SLC22A3: variants seen among roughly 807,000 people sequenced by gnomAD.
SLC22A3 encodes the protein solute carrier family 22 member 3.
In SLC22A3, 51 loss-of-function variants were observed where a neutral mutation model predicts 59.1. That is an observed-to-expected ratio of 0.86 (90% CI 0.69 to 1.09). The LOEUF (loss-of-function observed/expected upper bound fraction) is 1.09, where lower values mean the gene tolerates loss of function less well. Ranked by LOEUF, SLC22A3 falls within the 50% of genes least tolerant of loss-of-function variation. The pLI, the probability that SLC22A3 is intolerant of heterozygous loss-of-function variation, is 0.00. For synonymous variants in SLC22A3, 325 were observed against 292.0 expected (o/e 1.11, Z -1.15); for missense variants, 711 against 726.3 (o/e 0.98, Z 0.24).
intron 1 of SLC22A3, among the ~76,000 whole-genome samples, chr6:160,360,231 G>C (rs914043636): frequency 6.6e-6 from 1 of 152,154 alleles, no homozygotes; most frequent in East Asian, 1.9e-4. Flanking sequence ...GCCAAGGTGG[G>C]TGGATCACCT....
At chr6:160,368,629 G>A (rs1232694457) in intron 1 of SLC22A3, among the ~76,000 whole-genome samples, 1 of 152,024 alleles carries the variant, frequency 6.6e-6, no homozygotes, top group Non-Finnish European at 1.5e-5. Flanking sequence ...TCAACCTAGT[G>A]TGGTCTCCAT....
At position 160,361,930 on chromosome 6, in the gene SLC22A3, G is replaced by T. The variant is rs567215168; in HGVS notation, c.429+13082G>T. On this transcript the variant is annotated intron_variant, in intron 1 of 10. Coordinates refer to ENST00000275300, the MANE Select transcript of SLC22A3 (RefSeq NM_021977.4). Reference sequence around the variant, plus strand: ...GCTTTCCCCTTCTAATACTAGGTCAGTTTCTGTGTGGTAACTTGAGAATAC... The same window carrying T: ...GCTTTCCCCTTCTAATACTAGGTCATTTTCTGTGTGGTAACTTGAGAATAC... Among the ~76,000 whole-genome samples, 7 of 152,342 alleles carry T rather than the reference G, an allele frequency of 4.6e-5. No homozygotes were observed. In the East Asian group the frequency reaches 1.3e-3, roughly 29 times the overall value.
rs200861075 is a variant in SLC22A3, at chr6:160,437,047, T to C, written c.1124T>C (p.Ile375Thr). Residue 375 changes from isoleucine to threonine, a missense_variant, in exon 7 of 11, where the codon ATA (isoleucine) becomes ACA (threonine). By Grantham distance (89) the Ile-to-Thr change is moderately conservative. Transcript: ENST00000275300. ...GGACTTGTCATGCGCCTGGGAATTA[T>C]AGGGGGCAACCTCTATATAGACTTT... is the stretch of plus-strand genomic sequence containing the variant. The part of the protein sequence containing the change: ...YQGLVMRLGI[I>T]GGNLYIDFFI... 4 of 1,614,046 alleles carry C rather than the reference T, an allele frequency of 2.5e-6. No individual in the cohort carries two copies. Among genetic ancestry groups the C allele is most frequent in the East Asian group, 2.2e-5 (1 of 44,900 alleles).
chr6:160,394,425 G>A (rs997215482), intron 1 of SLC22A3, among the ~76,000 whole-genome samples: 1 of 152,202 alleles, frequency 6.6e-6, no homozygotes, highest in Admixed American at 6.5e-5. Flanking sequence ...TCAGCAGGCA[G>A]GCAGCAAGCT....
intron 1 of SLC22A3, among the ~76,000 whole-genome samples, chr6:160,356,398 G>A (rs1284485339): frequency 1.3e-5 from 2 of 152,254 alleles, no homozygotes; most frequent in East Asian, 1.9e-4. Flanking sequence ...GGGACAGGAA[G>A]GAATAGAACT....
intron 2 of SLC22A3, among the ~76,000 whole-genome samples, chr6:160,402,534 T>G (rs978816662): frequency 2.2e-4 from 34 of 152,012 alleles, no homozygotes; most frequent in South Asian, 2.1e-3. Context: ...ATCAATCAAC[T>G]GTATCTAATT....
chr6:160,433,789 T>C (rs1219492499), intron 5 of SLC22A3, among the ~76,000 whole-genome samples: 1 of 152,092 alleles, frequency 6.6e-6, no homozygotes, highest in South Asian at 2.1e-4. Flanking sequence ...TGATGTAGGA[T>C]TTCCCTTCAA....
chr6:160,380,258 T>C (rs577791743), intron 1 of SLC22A3, among the ~76,000 whole-genome samples: 26 of 152,296 alleles, frequency 1.7e-4, no homozygotes, highest in Non-Finnish European at 3.1e-4. Context: ...TTAATTTTTA[T>C]ACCCAGTGCA....
intron 9 of SLC22A3, among the ~76,000 whole-genome samples, chr6:160,446,190 G>A (rs1788736778): frequency 6.6e-6 from 1 of 152,112 alleles, no homozygotes; most frequent in African/African-American, 2.4e-5. Context: ...TGGATCTGGT[G>A]GCCAGCAAGA....
chr6:160,400,853 A>G (rs1040063593), intron 2 of SLC22A3, among the ~76,000 whole-genome samples: 1 of 152,022 alleles, frequency 6.6e-6, no homozygotes, highest in Non-Finnish European at 1.5e-5. Flanking sequence ...AAGAAACCAA[A>G]TGAAATGCTA....
At chr6:160,393,676 G>C (rs1786355476) in intron 1 of SLC22A3, among the ~76,000 whole-genome samples, 1 of 152,052 alleles carries the variant, frequency 6.6e-6, no homozygotes, top group African/African-American at 2.4e-5. Context: ...CATTTTCTAT[G>C]CCTTTTGAAT....
chr6:160,450,956 ACAT>A, intron 10 of SLC22A3, 37 bp from the exon 11 acceptor site: 1 of 1,543,038 alleles, frequency 6.5e-7, no homozygotes, highest in Non-Finnish European at 8.8e-7. Flanking sequence ...CTAACTAGTT[ACAT>A]AATCTTTCCT....
At chr6:160,410,644 C>A in intron 4 of SLC22A3, 85 bp from the exon 5 acceptor site, 1 of 829,322 alleles carries the variant, frequency 1.2e-6, no homozygotes, top group Admixed American at 1.7e-5. Flanking sequence ...ATTGCAAGAT[C>A]CATTTTGATA....
chr6:160,369,803 ACAAC>A (rs962675637), intron 1 of SLC22A3, among the ~76,000 whole-genome samples: 1 of 152,198 alleles, frequency 6.6e-6, no homozygotes, highest in Non-Finnish European at 1.5e-5. Context: ...GTGATTTAAA[ACAAC>A]CATTTTTTTT....
At chr6:160,423,080 T>C (rs986285161) in intron 5 of SLC22A3, among the ~76,000 whole-genome samples, 22 of 151,738 alleles carry the variant, frequency 1.4e-4, no homozygotes, top group Non-Finnish European at 2.9e-4. Flanking sequence ...GAACATGCGG[T>C]GTTTGGTTTT....
chr6:160,397,336 A>C (rs1786518125), intron 1 of SLC22A3, among the ~76,000 whole-genome samples: 1 of 152,082 alleles, frequency 6.6e-6, no homozygotes, highest in South Asian at 2.1e-4. Flanking sequence ...CTCGTGGCCC[A>C]CTACTGCTCA....
At chr6:160,360,649 A>G (rs994536509) in intron 1 of SLC22A3, among the ~76,000 whole-genome samples, 2 of 152,220 alleles carry the variant, frequency 1.3e-5, no homozygotes, top group Non-Finnish European at 2.9e-5. Context: ...GCATTATCCA[A>G]GAAAGTGCAT....
At chr6:160,408,716 T>G in intron 3 of SLC22A3, 37 bp from the exon 4 acceptor site, 1 of 1,606,682 alleles carries the variant, frequency 6.2e-7, no homozygotes, top group Non-Finnish European at 8.5e-7. Flanking sequence ...GAGCTGACCT[T>G]GTGCTTCTGT....
intron 9 of SLC22A3, among the ~76,000 whole-genome samples, chr6:160,445,224 G>A (rs1459616075): frequency 1.3e-5 from 2 of 152,200 alleles, no homozygotes; most frequent in Non-Finnish European, 2.9e-5. Context: ...AGGCCAGGGA[G>A]GAAGGAAGCA....
Sources: allele counts gnomAD v4.1 joint callset (sites outside exome capture counted in the v4.1 genomes callset), GRCh38; gene constraint gnomAD v4.1.1; transcripts MANE v1.5; gene names NCBI Gene and HGNC (gene_info 2026-07-23, HGNC 2026-07-21).